The following RXFP1 variants were observed in gnomAD, a reference collection of about 807,000 sequenced individuals.
The protein encoded by RXFP1 is relaxin family peptide receptor 1, also known as relaxin receptor 1.
RXFP1 carries 73 observed loss-of-function variants against 89.8 expected under a neutral mutation model. The observed-to-expected ratio is 0.81, with a 90% confidence interval of 0.67 to 0.99. The LOEUF (loss-of-function observed/expected upper bound fraction) is 0.99, where lower values mean the gene tolerates loss of function less well. Among genes scored for constraint, RXFP1 ranks in the 50% least tolerant of loss-of-function variants. The pLI is 0.00. For missense variants in RXFP1, 793 were observed against 895.5 expected (o/e 0.89, Z 1.46); for synonymous variants, 277 against 305.5 (o/e 0.91, Z 0.97).
chr4:158,539,550 A>G (rs1391698480), intron 1 of RXFP1, among the ~76,000 whole-genome samples: 4 of 152,280 alleles, frequency 2.6e-5, no homozygotes, highest in Admixed American at 2.6e-4. Flanking sequence ...CAAAAGATGA[A>G]GAGTATTAAC....
At chr4:158,568,104 A>G (rs977090424) in intron 1 of RXFP1, among the ~76,000 whole-genome samples, 2 of 152,206 alleles carry the variant, frequency 1.3e-5, no homozygotes, top group African/African-American at 2.4e-5. Context: ...CTCACCACAA[A>G]GGCCTTCAGC....
At chr4:158,562,522 T>TAAAAAA (rs1282461174) in intron 1 of RXFP1, among the ~76,000 whole-genome samples, 1 of 1,428 alleles carries the variant, frequency 7.0e-4, no homozygotes, top group Non-Finnish European at 0.014. Context: ...AGACTCCGTC[T>TAAAAAA]CAAAAAAAAA....
At chr4:158,552,135 T>A (rs1458883228) in intron 1 of RXFP1, among the ~76,000 whole-genome samples, 1 of 152,146 alleles carries the variant, frequency 6.6e-6, no homozygotes, top group African/African-American at 2.4e-5. Context: ...AAATAAGGTG[T>A]GAAATGGAAA....
chr4:158,605,945 GA>G (rs1762473358), intron 5 of RXFP1, among the ~76,000 whole-genome samples: 1 of 152,190 alleles, frequency 6.6e-6, no homozygotes, highest in Non-Finnish European at 1.5e-5. Flanking sequence ...ATAACAGATG[GA>G]AATTGAGTGG....
chr4:158,615,636 A>G (rs988642432), intron 8 of RXFP1, among the ~76,000 whole-genome samples: 4 of 152,060 alleles, frequency 2.6e-5, no homozygotes, highest in African/African-American at 9.7e-5. Flanking sequence ...AGATCACCAC[A>G]AACAATATAA....
At chr4:158,634,485 T>C (rs201370200) in intron 12 of RXFP1, among the ~76,000 whole-genome samples, 1 of 152,214 alleles carries the variant, frequency 6.6e-6, no homozygotes, top group East Asian at 1.9e-4. Flanking sequence ...GCCTTTTCAC[T>C]CTATTATGGT....
intron 4 of RXFP1, among the ~76,000 whole-genome samples, chr4:158,603,557 CT>C (rs559472928): frequency 9.4e-4 from 141 of 149,308 alleles, no homozygotes; most frequent in Non-Finnish European, 1.5e-3. Flanking sequence ...ACTTTTTAGA[CT>C]TTTTTTTTTC....
chr4:158,613,685 T>A (rs1430504120), intron 8 of RXFP1, among the ~76,000 whole-genome samples: 1 of 152,220 alleles, frequency 6.6e-6, no homozygotes, highest in Non-Finnish European at 1.5e-5. Flanking sequence ...TCCACTGAAG[T>A]CTTGAACCCT....
chr4:158,602,439 G>A (rs1159681137), intron 4 of RXFP1, among the ~76,000 whole-genome samples: 1 of 151,998 alleles, frequency 6.6e-6, no homozygotes, highest in African/African-American at 2.4e-5. Flanking sequence ...GTGCTATAGT[G>A]ATTCAGGTCC....
Position 158,652,479 on chromosome 4 carries a change from C to T in RXFP1, c.*424C>T, listed in dbSNP as rs1772915240. 6.5e-6 allele frequency: 1 copy of T among 153,588 alleles called. No homozygotes were observed. Among genetic ancestry groups the T allele is most frequent in the African/African-American group, 2.4e-5 (1 of 41,512 alleles). The allele number at this position is 153,588 out of a possible 1,614,324, so 9.5% of individuals were successfully genotyped here. Reference sequence around the variant, plus strand: ...AAAGTAGAGCTTTACCTGTCATGTGCATCAGCAAGAATCATAGGCACTTTT... The same window carrying T: ...AAAGTAGAGCTTTACCTGTCATGTGTATCAGCAAGAATCATAGGCACTTTT... On this transcript the variant is annotated 3_prime_UTR_variant, in exon 18 of 18. Coordinates refer to ENST00000307765, the MANE Select transcript of RXFP1 (RefSeq NM_021634.4).
At chr4:158,608,932 T>A (rs1188869172) in intron 6 of RXFP1, among the ~76,000 whole-genome samples, 1 of 152,252 alleles carries the variant, frequency 6.6e-6, no homozygotes, top group Non-Finnish European at 1.5e-5. Context: ...TAGCACAATG[T>A]CTTTAATGTT....
In RXFP1 at chr4:158,652,160, A is replaced by C; in HGVS notation, c.*105A>C. On this transcript the variant is annotated 3_prime_UTR_variant, in exon 18 of 18. Transcript: ENST00000307765. The stretch of plus-strand genomic sequence containing the variant: ...ACAAAATTAATTTATAATAATAGCT[A>C]AGATAAATATTTTACAAGGACATGA... 1.1e-6 allele frequency: 1 copy of C among 922,886 alleles called. No individual in the cohort carries two copies. Among genetic ancestry groups the C allele is most frequent in the Non-Finnish European group, 1.6e-6 (1 of 640,288 alleles). The allele number at this position is 922,886 out of a possible 1,614,324, so 57.2% of individuals were successfully genotyped here.
At chr4:158,603,833 T>C (rs148276445) in intron 4 of RXFP1, among the ~76,000 whole-genome samples, 2,547 of 150,904 alleles carry the variant, frequency 0.017, 77 homozygotes, top group African/African-American at 0.058. Context: ...GAGGTTGCAG[T>C]GAGCCGAGAT....
At chr4:158,536,096 G>A (rs567456135) in intron 1 of RXFP1, among the ~76,000 whole-genome samples, 1 of 152,114 alleles carries the variant, frequency 6.6e-6, no homozygotes, top group Non-Finnish European at 1.5e-5. Flanking sequence ...TAATCAATCA[G>A]TAACTTTGCA....
At chr4:158,540,146 C>T (rs550399823) in intron 1 of RXFP1, among the ~76,000 whole-genome samples, 2 of 152,082 alleles carry the variant, frequency 1.3e-5, no homozygotes, top group Admixed American at 6.5e-5. Flanking sequence ...GAATTTGGGG[C>T]AAGTCCATAA....
intron 2 of RXFP1, among the ~76,000 whole-genome samples, chr4:158,588,015 A>C (rs554613783): frequency 6.6e-6 from 1 of 152,292 alleles, no homozygotes; most frequent in South Asian, 2.1e-4. Flanking sequence ...AAAACTCTGC[A>C]AAACTAGGAA....
intron 1 of RXFP1, among the ~76,000 whole-genome samples, chr4:158,568,403 AAC>A (rs1394500939): frequency 6.6e-6 from 1 of 152,264 alleles, no homozygotes; most frequent in African/African-American, 2.4e-5. Flanking sequence ...GCTGCATGAA[AAC>A]ACAGGCAGGT....
intron 2 of RXFP1, among the ~76,000 whole-genome samples, chr4:158,586,588 A>G (rs1475741126): frequency 6.6e-6 from 1 of 152,204 alleles, no homozygotes; most frequent in East Asian, 1.9e-4. Context: ...TGAAGGACAC[A>G]GGATTTAAAA....
intron 11 of RXFP1, among the ~76,000 whole-genome samples, chr4:158,630,383 G>A (rs1380573258): frequency 6.6e-6 from 1 of 152,188 alleles, no homozygotes; most frequent in Non-Finnish European, 1.5e-5. Flanking sequence ...AGTAGGGGGA[G>A]ATGCAGCTGG....
Sources: allele counts gnomAD v4.1 joint callset (sites outside exome capture counted in the v4.1 genomes callset), GRCh38; gene constraint gnomAD v4.1.1; transcripts MANE v1.5; gene names NCBI Gene and HGNC (gene_info 2026-07-23, HGNC 2026-07-21).